The following GNAL variants were observed in gnomAD, a reference collection of about 807,000 sequenced individuals.
GNAL encodes the protein guanine nucleotide-binding protein G(olf) subunit alpha.
In GNAL, 18 loss-of-function variants were observed where a neutral mutation model predicts 55.1. The ratio of observed to expected loss-of-function variants is 0.33; its 90% confidence interval spans 0.23 to 0.48. The LOEUF is 0.48. Ranked by LOEUF, GNAL falls within the 20% of genes least tolerant of loss-of-function variation. The probability of loss-of-function intolerance (pLI) is 0.99; values close to 1 mark genes in which losing one functional copy is unlikely to be tolerated. For synonymous variants in GNAL, 253 were observed against 237.0 expected (o/e 1.07, Z -0.62); for missense variants, 412 against 614.1 (o/e 0.67, Z 3.48).
chr18:11,699,759 C>A (rs1203755404), intron 1 of GNAL, among the ~76,000 whole-genome samples: 3 of 152,138 alleles, frequency 2.0e-5, no homozygotes, highest in Non-Finnish European at 2.9e-5. Context: ...CCCTATGATA[C>A]CATATGAGTG....
chr18:11,753,797 T>C, intron 3 of GNAL, 29 bp from the exon 4 acceptor site: 3 of 1,570,790 alleles, frequency 1.9e-6, no homozygotes, highest in African/African-American at 2.7e-5. Flanking sequence ...TAAATGTTTA[T>C]CCATATTTTT....
chr18:11,793,192 A>G (rs959714539), intron 4 of GNAL, among the ~76,000 whole-genome samples: 6 of 149,978 alleles, frequency 4.0e-5, no homozygotes, highest in Admixed American at 3.3e-4. Context: ...TTGTGCATCA[A>G]AGGACATAAG....
intron 1 of GNAL, among the ~76,000 whole-genome samples, chr18:11,733,312 C>T (rs563452352): frequency 1.3e-5 from 2 of 152,310 alleles, no homozygotes; most frequent in Non-Finnish European, 2.9e-5. Flanking sequence ...GAGCTGTTTC[C>T]CTCTGCTCAC....
intron 9 of GNAL, among the ~76,000 whole-genome samples, chr18:11,871,247 T>TTTTC (rs1176940886): frequency 6.6e-6 from 1 of 150,600 alleles, no homozygotes; most frequent in African/African-American, 2.5e-5. Context: ...GTGTGGGTTT[T>TTTTC]TCTTTCTTTT....
intron 1 of GNAL, among the ~76,000 whole-genome samples, chr18:11,709,575 A>G (rs1189315922): frequency 1.3e-5 from 2 of 151,926 alleles, no homozygotes; most frequent in Non-Finnish European, 2.9e-5. Context: ...GTTGTAAATG[A>G]GATTGTTTTT....
intron 5 of GNAL, among the ~76,000 whole-genome samples, chr18:11,844,315 T>C (rs974658561): frequency 1.2e-4 from 19 of 152,004 alleles, no homozygotes; most frequent in African/African-American, 4.6e-4. Flanking sequence ...GCGCCTGTAG[T>C]CCCAGCTACT....
chr18:11,708,152 A>G (rs553038495), intron 1 of GNAL, among the ~76,000 whole-genome samples: 9 of 152,202 alleles, frequency 5.9e-5, no homozygotes, highest in Admixed American at 1.3e-4. Context: ...GCTGTTTGGC[A>G]CAAGAGACCC....
At chr18:11,803,304 T>G (rs2034567272) in intron 4 of GNAL, among the ~76,000 whole-genome samples, 1 of 152,216 alleles carries the variant, frequency 6.6e-6, no homozygotes, top group South Asian at 2.1e-4. Context: ...CTTATGTAAG[T>G]GGAATCATCC....
intron 4 of GNAL, among the ~76,000 whole-genome samples, chr18:11,778,300 A>G (rs556562746): frequency 6.6e-6 from 1 of 152,268 alleles, no homozygotes; most frequent in Admixed American, 6.5e-5. Flanking sequence ...CTGAACTATG[A>G]CCCACCCATT....
intron 4 of GNAL, among the ~76,000 whole-genome samples, chr18:11,774,238 G>T (rs1249542868): frequency 6.6e-6 from 1 of 152,182 alleles, no homozygotes; most frequent in Non-Finnish European, 1.5e-5. Flanking sequence ...CGAAGAACAA[G>T]CCTGGCTCTG....
chr18:11,790,597 T>C (rs566127149), intron 4 of GNAL, among the ~76,000 whole-genome samples: 12 of 152,264 alleles, frequency 7.9e-5, no homozygotes, highest in African/African-American at 2.2e-4. Flanking sequence ...TTGACACTTA[T>C]GTAAAATTCT....
chr18:11,850,053 G>T (rs1260029869), intron 5 of GNAL, among the ~76,000 whole-genome samples: 1 of 152,230 alleles, frequency 6.6e-6, no homozygotes, highest in Non-Finnish European at 1.5e-5. Flanking sequence ...GACTGGCAGG[G>T]TGTCAATAGG....
At chr18:11,727,283 G>GGGA (rs2032235383) in intron 1 of GNAL, among the ~76,000 whole-genome samples, 1 of 152,216 alleles carries the variant, frequency 6.6e-6, no homozygotes, top group East Asian at 1.9e-4. Flanking sequence ...TCCCAAGCCT[G>GGGA]GGAGTCCCCA....
At chr18:11,830,996 T>C (rs2035370300) in intron 5 of GNAL, among the ~76,000 whole-genome samples, 1 of 152,190 alleles carries the variant, frequency 6.6e-6, no homozygotes, top group African/African-American at 2.4e-5. Context: ...TAAGAGTGAC[T>C]GCTAATGGAT....
chr18:11,778,128 T>C (rs2033834091), intron 4 of GNAL, among the ~76,000 whole-genome samples: 1 of 152,142 alleles, frequency 6.6e-6, no homozygotes, highest in South Asian at 2.1e-4. Flanking sequence ...TACCCATACA[T>C]ATGTATGGTG....
chr18:11,822,141 T>A (rs2035112077), intron 4 of GNAL, among the ~76,000 whole-genome samples: 1 of 152,106 alleles, frequency 6.6e-6, no homozygotes, highest in African/African-American at 2.4e-5. Flanking sequence ...TTAGCGCGCC[T>A]GGCTTTCCAC....
chr18:11,753,140 T>C (rs1160109219), intron 2 of GNAL, among the ~76,000 whole-genome samples: 5 of 152,242 alleles, frequency 3.3e-5, no homozygotes, highest in Middle Eastern at 3.2e-3. Flanking sequence ...TAACAAAATA[T>C]GATTTATAGG....
At chr18:11,786,029 G>T (rs1176733192) in intron 4 of GNAL, among the ~76,000 whole-genome samples, 6 of 152,194 alleles carry the variant, frequency 3.9e-5, no homozygotes, top group Admixed American at 3.9e-4. Flanking sequence ...TACCTGAGAA[G>T]GAGATTATCA....
At chr18:11,825,109 G>T (rs2035206269) in intron 5 of GNAL, 94 bp downstream of exon 5, 2 of 725,280 alleles carry the variant, frequency 2.8e-6, no homozygotes, top group Non-Finnish European at 4.8e-6. Flanking sequence ...TTTCTTGAGT[G>T]CAAGGAATGA....
Sources: gnomAD v4.1 joint callset for allele counts (sites outside exome capture counted in the v4.1 genomes callset) on GRCh38, gnomAD v4.1.1 for gene constraint, MANE v1.5 for transcripts, NCBI Gene and HGNC (gene_info 2026-07-23, HGNC 2026-07-21) for gene names.